The following EXOC4 variants were observed in gnomAD, a reference collection of about 807,000 sequenced individuals.
The protein encoded by EXOC4 is SEC8-like 1.
EXOC4 carries 71 observed loss-of-function variants against 107.2 expected under a neutral mutation model. That is an observed-to-expected ratio of 0.66 (90% CI 0.55 to 0.81). EXOC4 has a LOEUF of 0.81. Among genes scored for constraint, EXOC4 ranks in the 30% least tolerant of loss-of-function variants. EXOC4 has a pLI of 0.00. For synonymous variants in EXOC4, 456 were observed against 441.2 expected (o/e 1.03, Z -0.42); for missense variants, 1,108 against 1,189.6 (o/e 0.93, Z 1.01).
At chr7:133,569,669 A>G (rs1223628567) in intron 9 of EXOC4, among the ~76,000 whole-genome samples, 1 of 152,190 alleles carries the variant, frequency 6.6e-6, no homozygotes, top group African/African-American at 2.4e-5. Context: ...ACACACACAT[A>G]ATGGTGGAGT....
At chr7:133,842,468 A>G (rs1798042379) in intron 11 of EXOC4, among the ~76,000 whole-genome samples, 1 of 152,152 alleles carries the variant, frequency 6.6e-6, no homozygotes, top group Non-Finnish European at 1.5e-5. Context: ...GTATCTGTTC[A>G]TGTCCTTTGC....
intron 3 of EXOC4, among the ~76,000 whole-genome samples, chr7:133,293,054 C>G (rs1198688300): frequency 6.6e-6 from 1 of 152,136 alleles, no homozygotes; most frequent in African/African-American, 2.4e-5. Flanking sequence ...CTTACTATGT[C>G]CTGGTACTAT....
intron 17 of EXOC4, among the ~76,000 whole-genome samples, chr7:134,015,793 T>C (rs1794892827): frequency 6.6e-6 from 1 of 151,150 alleles, no homozygotes; most frequent in African/African-American, 2.4e-5. Flanking sequence ...GGGAATCACT[T>C]GAACCTGGGA....
chr7:133,901,847 A>G (rs1026719739), intron 12 of EXOC4, among the ~76,000 whole-genome samples: 1 of 152,102 alleles, frequency 6.6e-6, no homozygotes, highest in Non-Finnish European at 1.5e-5. Flanking sequence ...CAGGCCTGTT[A>G]TGGACAATAC....
intron 10 of EXOC4, among the ~76,000 whole-genome samples, chr7:133,709,402 AC>A (rs1794836744): frequency 2.6e-5 from 4 of 152,362 alleles, no homozygotes; most frequent in African/African-American, 9.6e-5. Context: ...AGTGGCTGTC[AC>A]CAGGCTCTGC....
intron 9 of EXOC4, among the ~76,000 whole-genome samples, chr7:133,597,578 C>CAA (rs1216928669): frequency 7.8e-5 from 10 of 128,462 alleles, no homozygotes; most frequent in African/African-American, 3.2e-4. Context: ...AAAAAAAACC[C>CAA]AAAAAAAAAA....
At chr7:133,326,297 A>C (rs1454962533) in intron 5 of EXOC4, among the ~76,000 whole-genome samples, 1 of 151,322 alleles carries the variant, frequency 6.6e-6, no homozygotes, top group Non-Finnish European at 1.5e-5. Flanking sequence ...GATTTTTAGA[A>C]TTTTCAGCTT....
At chr7:133,332,864 A>C (rs1481059461) in intron 5 of EXOC4, among the ~76,000 whole-genome samples, 2 of 152,134 alleles carry the variant, frequency 1.3e-5, no homozygotes, top group South Asian at 2.1e-4. Context: ...TTTCCTTTTC[A>C]TTTTTGACTG....
chr7:133,861,672 T>TA (rs1798536568), intron 11 of EXOC4, among the ~76,000 whole-genome samples: 1 of 152,130 alleles, frequency 6.6e-6, no homozygotes, highest in African/African-American at 2.4e-5. Context: ...TAGCTGGGGT[T>TA]ACAGGAGCCC....
chr7:133,897,280 A>G (rs1163689878), intron 12 of EXOC4, among the ~76,000 whole-genome samples: 5 of 152,098 alleles, frequency 3.3e-5, no homozygotes, highest in African/African-American at 7.2e-5. Flanking sequence ...TCTCATTGAG[A>G]TGCAGTCCCA....
rs142182826 is a variant in EXOC4 at position 133,862,677 on chromosome 7, G to T, written c.1735-32922G>T. ...GCTAAGGTTTTTAGGATGTCTACAA[G>T]AAGTCAAATTTGCTCTTTAAGCTAT... On this transcript the variant is annotated intron_variant, in intron 11 of 17. Coordinates refer to ENST00000253861, the MANE Select transcript of EXOC4 (RefSeq NM_021807.4). Among the ~76,000 whole-genome samples, 365 of 152,244 alleles carry T rather than the reference G, an allele frequency of 2.4e-3. 5 individuals carry two copies. Among genetic ancestry groups the T allele is most frequent in the African/African-American group, 8.2e-3 (341 of 41,540 alleles).
intron 10 of EXOC4, among the ~76,000 whole-genome samples, chr7:133,801,801 C>G (rs577382423): frequency 1.3e-4 from 20 of 152,302 alleles, no homozygotes; most frequent in East Asian, 5.8e-4. Context: ...TGATCATGTC[C>G]TACCCATTCT....
At chr7:134,062,085 C>A (rs922717243) in intron 17 of EXOC4, among the ~76,000 whole-genome samples, 35 of 152,110 alleles carry the variant, frequency 2.3e-4, no homozygotes, top group Non-Finnish European at 3.4e-4. Flanking sequence ...TCTGTGATGC[C>A]AAAATGAACA....
In EXOC4 at chr7:133,595,742, T is replaced by C. The variant is rs80003346; in HGVS notation, c.1418-34303T>C. The stretch of plus-strand genomic sequence containing the variant: ...AATTATTTTTTTAAACTTCAGTCTT[T>C]CTCATTCTAAAATTTTCACTCCTAG... On this transcript the variant is annotated intron_variant, in intron 9 of 17. Transcript: ENST00000253861. Among the ~76,000 whole-genome samples the C allele has an allele frequency of 8.7e-3, 1,328 of 152,298 alleles. 7 individuals carry two copies. The highest frequency in any genetic ancestry group is 0.038 in the East Asian group (195 of 5,182).
chr7:133,261,985 T>C (rs1244172495), intron 1 of EXOC4, among the ~76,000 whole-genome samples: 2 of 152,196 alleles, frequency 1.3e-5, no homozygotes, highest in Admixed American at 6.5e-5. Context: ...GCTGCAGCTC[T>C]TTCCCATCTC....
At chr7:134,083,648 A>T in the EXOC4 span, among the ~76,000 whole-genome samples, 1 of 152,168 alleles carries the variant, frequency 6.6e-6, no homozygotes, top group Non-Finnish European at 1.5e-5. Context: ...TGATCTCTTC[A>T]GCAGGGTAGT....
At chr7:133,697,687 A>C (rs1199860516) in intron 10 of EXOC4, among the ~76,000 whole-genome samples, 1 of 152,190 alleles carries the variant, frequency 6.6e-6, no homozygotes, top group African/African-American at 2.4e-5. Flanking sequence ...TCCAACAAGG[A>C]CAAGTGGGGA....
chr7:134,085,565 G>C, the EXOC4 span, among the ~76,000 whole-genome samples: 1 of 152,188 alleles, frequency 6.6e-6, no homozygotes, highest in Non-Finnish European at 1.5e-5. Context: ...ACAGCCACTG[G>C]AGGTATAACC....
the EXOC4 span, among the ~76,000 whole-genome samples, chr7:134,090,811 A>G: frequency 1.3e-5 from 2 of 152,034 alleles, no homozygotes; most frequent in African/African-American, 4.8e-5. Flanking sequence ...AGTACAAGAC[A>G]GATTAATCCA....
Sources: gnomAD v4.1 joint callset for allele counts (sites outside exome capture counted in the v4.1 genomes callset) on GRCh38, gnomAD v4.1.1 for gene constraint, MANE v1.5 for transcripts, NCBI Gene and HGNC (gene_info 2026-07-23, HGNC 2026-07-21) for gene names.